The following MAN1C1 variants were observed in gnomAD, a reference collection of about 807,000 sequenced individuals.
MAN1C1 encodes mannosidase alpha class 1C member 1.
Under a neutral mutation model 71.5 loss-of-function variants are expected in MAN1C1, and 49 were observed. The observed-to-expected ratio is 0.69, with a 90% CI of 0.54 to 0.87. The LOEUF is 0.87. MAN1C1 is among the 40% of genes least tolerant of loss of function. MAN1C1 has a pLI of 0.00. For synonymous variants in MAN1C1, 352 were observed against 343.7 expected, an observed-to-expected ratio of 1.02 and a Z score of -0.27; for missense variants, 743 against 835.0, an observed-to-expected ratio of 0.89 and a Z score of 1.36.
At chr1:25,650,824 G>A (rs1220185798) in intron 1 of MAN1C1, among the ~76,000 whole-genome samples, 4 of 152,176 alleles carry the variant, frequency 2.6e-5, no homozygotes, top group African/African-American at 7.2e-5. Context: ...GAGAATAAAG[G>A]AGACTTGGTT....
chr1:25,719,236 C>T (rs2046726685), intron 2 of MAN1C1, among the ~76,000 whole-genome samples: 1 of 149,728 alleles, frequency 6.7e-6, no homozygotes, highest in Non-Finnish European at 1.5e-5. Context: ...CCATGCCCGG[C>T]TTATTTTTGT....
chr1:25,648,072 C>A (rs570450129), intron 1 of MAN1C1, among the ~76,000 whole-genome samples: 1 of 152,320 alleles, frequency 6.6e-6, no homozygotes, highest in African/African-American at 2.4e-5. Flanking sequence ...CTCTGGGAGC[C>A]CCGCCTGCAT....
intron 1 of MAN1C1, among the ~76,000 whole-genome samples, chr1:25,660,654 A>G (rs986643544): frequency 6.6e-6 from 1 of 151,370 alleles, no homozygotes; most frequent in Admixed American, 6.6e-5. Flanking sequence ...CGGCCTCCCA[A>G]AAGTGCTGGG....
intron 1 of MAN1C1, among the ~76,000 whole-genome samples, chr1:25,664,398 G>A (rs2045892445): frequency 6.6e-6 from 1 of 152,072 alleles, no homozygotes; most frequent in African/African-American, 2.4e-5. Context: ...CAGTTGTCAA[G>A]GAAATAGATT....
At chr1:25,639,522 G>A (rs1304450663) in intron 1 of MAN1C1, among the ~76,000 whole-genome samples, 1 of 152,082 alleles carries the variant, frequency 6.6e-6, no homozygotes, top group Non-Finnish European at 1.5e-5. Context: ...GTTACTTCTT[G>A]TAGCTGTCAG....
chr1:25,767,301 C>T (rs1298070808), intron 7 of MAN1C1, among the ~76,000 whole-genome samples: 11 of 144,822 alleles, frequency 7.6e-5, no homozygotes, highest in Non-Finnish European at 1.5e-4. Flanking sequence ...CTACTCTCCC[C>T]TCACACACCC....
In MAN1C1 at chr1:25,783,973, G is replaced by A; in HGVS notation, c.*184G>A. 1 of 758,326 alleles carries A rather than the reference G, an allele frequency of 1.3e-6. No individual in the cohort carries two copies. Among genetic ancestry groups the A allele is most frequent in the Non-Finnish European group, 2.1e-6 (1 of 487,110 alleles). 47.0% of individuals were successfully genotyped at this position (758,326 alleles called of 1,614,324 possible). On this transcript the variant is annotated 3_prime_UTR_variant, in exon 12 of 12. Transcript: ENST00000374332. ...AGACTTGGAGACTCAGCGATGTCAG[G>A]CCAGGGCCATGGCCACACTGGCCCA...
chr1:25,617,499 TCGGCCGGAGGGGAGGCTGCGGCGCG>T lies in MAN1C1; in HGVS notation c.-291_-267del, dbSNP rs1328769345. ...CGGGCCCCGGCGCGGCGGGGAGGGC[TCGGCCGGAGGGGAGGCTGCGGCGCG>T]CGGCCGGTCGCTGCGGGCCCGGGCC... On this transcript the variant is annotated 5_prime_UTR_variant, in exon 1 of 12. Transcript: ENST00000374332. The surrounding 1 kb of genome is among the most constrained non-coding windows in gnomAD (Gnocchi z 5.1). The T allele has an allele frequency of 1.4e-5, 2 of 145,626 alleles. No individual in the cohort carries two copies. Among genetic ancestry groups the T allele is most frequent in the Middle Eastern group, 3.5e-3 (1 of 286 alleles). 9.0% of individuals were successfully genotyped at this position (145,626 alleles called of 1,614,324 possible). A position where few individuals can be genotyped will look rare whatever the true frequency, so the allele number is the denominator to read the frequency against.
chr1:25,700,505 TG>T (rs2046427772), intron 2 of MAN1C1, among the ~76,000 whole-genome samples: 1 of 152,130 alleles, frequency 6.6e-6, no homozygotes, highest in Non-Finnish European at 1.5e-5. Context: ...GGAGCAGAGT[TG>T]GGCAGAGGAT....
chr1:25,778,005 C>T lies in MAN1C1; in HGVS notation c.1258-100C>T. The T allele has an allele frequency of 1.1e-6, 1 of 928,342 alleles. No homozygotes were observed. Among genetic ancestry groups the T allele is most frequent in the Non-Finnish European group, 1.6e-6 (1 of 626,150 alleles). The allele number at this position is 928,342 out of a possible 1,614,324, so 57.5% of individuals were successfully genotyped here. A position where few individuals can be genotyped will look rare whatever the true frequency, so the allele number is the denominator to read the frequency against. ...GGATGGAGGGCTTGGCAGAGCTGCC[C>T]TTGCTACTGTCTCCAAAATGTTCAT... On this transcript the variant is annotated intron_variant, in intron 8 of 11. Transcript: ENST00000374332. The surrounding 1 kb of genome is among the most constrained non-coding windows in gnomAD (Gnocchi z 5.5).
chr1:25,714,841 C>T (rs1433184331), intron 2 of MAN1C1, among the ~76,000 whole-genome samples: 4 of 152,152 alleles, frequency 2.6e-5, no homozygotes, highest in African/African-American at 9.7e-5. Context: ...GTATTAAGTG[C>T]TAGCACTACA....
At chr1:25,664,817 A>C (rs964106123) in intron 1 of MAN1C1, among the ~76,000 whole-genome samples, 1 of 152,212 alleles carries the variant, frequency 6.6e-6, no homozygotes, top group Non-Finnish European at 1.5e-5. Context: ...TCATATAAGG[A>C]GGCAATTATC....
chr1:25,781,383 T>TA, intron 10 of MAN1C1: 2 of 360,302 alleles, frequency 5.6e-6, no homozygotes, highest in Non-Finnish European at 1.0e-5. Context: ...TCAGCAAACT[T>TA]AGAGGGTCAG....
intron 2 of MAN1C1, among the ~76,000 whole-genome samples, chr1:25,740,033 C>T (rs2047038523): frequency 6.6e-6 from 1 of 152,110 alleles, no homozygotes; most frequent in Non-Finnish European, 1.5e-5. Flanking sequence ...GTGTTCTGGG[C>T]AGTGGAAGGT....
chr1:25,765,065 G>A lies in MAN1C1; in HGVS notation c.1141+1098G>A, dbSNP rs113702315. Among the ~76,000 whole-genome samples, 295 of 152,136 alleles carry A rather than the reference G, an allele frequency of 1.9e-3. 2 individuals are homozygous for A. The highest frequency in any genetic ancestry group is 5.8e-3 in the African/African-American group (242 of 41,514). ...TCCGTCCCAAAAAAAAACAAAAGAC[G>A]TCATGAATTCATCTATACATCTTAG... On this transcript the variant is annotated intron_variant, in intron 7 of 11. Transcript: ENST00000374332.
At chr1:25,722,207 G>A (rs893220854) in intron 2 of MAN1C1, among the ~76,000 whole-genome samples, 6 of 152,272 alleles carry the variant, frequency 3.9e-5, no homozygotes, top group East Asian at 3.9e-4. Context: ...CTTATAGGGC[G>A]TACTCTTTGT....
intron 5 of MAN1C1, among the ~76,000 whole-genome samples, chr1:25,755,679 A>G (rs2047276017): frequency 1.3e-5 from 2 of 152,240 alleles, no homozygotes; most frequent in Admixed American, 6.5e-5. Context: ...GCCTGAGGTC[A>G]CACAGCAGCA....
chr1:25,655,117 A>G (rs2045746430), intron 1 of MAN1C1, among the ~76,000 whole-genome samples: 2 of 152,178 alleles, frequency 1.3e-5, no homozygotes, highest in South Asian at 2.1e-4. Context: ...CATATCTCCA[A>G]TTGAGAGCTT....
chr1:25,758,179 GAACCACCAAT>G, intron 5 of MAN1C1, among the ~76,000 whole-genome samples: 1 of 152,338 alleles, frequency 6.6e-6, no homozygotes, highest in Admixed American at 6.5e-5. Context: ...TCCACATGCA[GAACCACCAAT>G]GGTTGTGAGC....
Sources: allele counts gnomAD v4.1 joint callset (sites outside exome capture counted in the v4.1 genomes callset), GRCh38; gene constraint gnomAD v4.1.1; non-coding constraint Gnocchi (gnomAD v3.1); transcripts MANE v1.5; gene names NCBI Gene and HGNC (gene_info 2026-07-23, HGNC 2026-07-21).